The following LDB2 variants were observed in gnomAD, a reference collection of about 807,000 sequenced individuals.
LDB2 encodes LIM domain-binding protein 2.
Under a neutral mutation model 44.3 loss-of-function variants are expected in LDB2, and 12 were observed. The observed-to-expected ratio is 0.27, with a 90% confidence interval of 0.17 to 0.44. The LOEUF is 0.44. Among genes scored for constraint, LDB2 ranks in the 20% least tolerant of loss-of-function variants. The pLI is 1.00. For synonymous variants in LDB2, 164 were observed against 174.8 expected, an observed-to-expected ratio of 0.94 and a Z score of 0.49; for missense variants, 344 against 473.5, an observed-to-expected ratio of 0.73 and a Z score of 2.54.
chr4:16,549,045 T>C (rs1296264944), intron 5 of LDB2, among the ~76,000 whole-genome samples: 1 of 152,222 alleles, frequency 6.6e-6, no homozygotes, highest in Non-Finnish European at 1.5e-5. Context: ...CTGAAACCTG[T>C]AGGTCAGTTA....
chr4:16,756,155 A>T (rs572986395), intron 2 of LDB2, among the ~76,000 whole-genome samples: 2 of 152,266 alleles, frequency 1.3e-5, no homozygotes, highest in South Asian at 4.1e-4. Flanking sequence ...ATTAAAATCT[A>T]TCAGAACAGC....
At chr4:16,651,861 C>A (rs1738373701) in intron 2 of LDB2, among the ~76,000 whole-genome samples, 1 of 152,096 alleles carries the variant, frequency 6.6e-6, no homozygotes, top group African/African-American at 2.4e-5. Flanking sequence ...AGGTGGCGTG[C>A]CATAGCAAAA....
Position 16,766,707 on chromosome 4 carries a change from T to C in LDB2, c.133-7447A>G, listed in dbSNP as rs796685681. Among the ~76,000 whole-genome samples the C allele has an allele frequency of 3.3e-5, 5 of 151,892 alleles. No individual in the cohort carries two copies. In the South Asian group the frequency reaches 1.0e-3, roughly 32 times the overall value. On this transcript the variant is annotated intron_variant, in intron 1 of 7. Coordinates refer to ENST00000304523, the MANE Select transcript of LDB2 (RefSeq NM_001290.5). ...TTTTAGTAGAGACAGGGTTTCACCATGTTGGTCAAGCTGGTCCTGAACTCC... is the reference window on the plus strand; with the variant it reads ...TTTTAGTAGAGACAGGGTTTCACCACGTTGGTCAAGCTGGTCCTGAACTCC...
intron 2 of LDB2, among the ~76,000 whole-genome samples, chr4:16,709,096 T>TTCTG (rs35098264): frequency 0.46 from 69,826 of 151,632 alleles, 16,511 homozygotes; most frequent in East Asian, 0.78. Flanking sequence ...AAGCTGTCTA[T>TTCTG]TCTATCACCG....
chr4:16,605,847 C>G (rs1358435290), intron 2 of LDB2, among the ~76,000 whole-genome samples: 1 of 152,168 alleles, frequency 6.6e-6, no homozygotes, highest in Non-Finnish European at 1.5e-5. Context: ...AATGGAGGAG[C>G]CTCTGGTTTC....
At chr4:16,735,158 G>A (rs534412840) in intron 2 of LDB2, among the ~76,000 whole-genome samples, 97 of 152,272 alleles carry the variant, frequency 6.4e-4, no homozygotes, top group African/African-American at 2.2e-3. Context: ...AATTATGAGT[G>A]CCTGTCCACA....
chr4:16,642,206 T>A (rs1168806592), intron 2 of LDB2, among the ~76,000 whole-genome samples: 7 of 152,042 alleles, frequency 4.6e-5, no homozygotes, highest in Non-Finnish European at 1.0e-4. Flanking sequence ...CTAGATAATA[T>A]GGGAGAGAGG....
At chr4:16,555,924 C>CCCT in intron 5 of LDB2, among the ~76,000 whole-genome samples, 1 of 152,182 alleles carries the variant, frequency 6.6e-6, no homozygotes, top group Non-Finnish European at 1.5e-5. Context: ...CCAGCCATGG[C>CCCT]CCTTCTTCTT....
intron 5 of LDB2, among the ~76,000 whole-genome samples, chr4:16,535,155 G>A (rs1201636679): frequency 6.6e-6 from 1 of 152,196 alleles, no homozygotes; most frequent in Non-Finnish European, 1.5e-5. Context: ...GTAATTGCTA[G>A]TTCTCGAAAG....
intron 1 of LDB2, among the ~76,000 whole-genome samples, chr4:16,864,158 T>C (rs62298190): frequency 0.22 from 32,850 of 152,054 alleles, 4,238 homozygotes; most frequent in South Asian, 0.41. Context: ...AAACCCTTTA[T>C]TTTATTAAGG....
At chr4:16,514,077 G>A (rs1365457344) in intron 5 of LDB2, among the ~76,000 whole-genome samples, 2 of 152,078 alleles carry the variant, frequency 1.3e-5, no homozygotes, top group African/African-American at 2.4e-5. Flanking sequence ...GCCTTGCTGC[G>A]TTTCCCTATT....
chr4:16,651,843 C>A (rs887725326), intron 2 of LDB2, among the ~76,000 whole-genome samples: 1 of 152,096 alleles, frequency 6.6e-6, no homozygotes, highest in South Asian at 2.1e-4. Context: ...TGCTTTTAAC[C>A]AGGTGGGAGG....
chr4:16,725,943 T>C lies in LDB2; in HGVS notation c.235+33215A>G, dbSNP rs374369004. Reference sequence around the variant, plus strand: ...ATACATAATGTATAAATATACATTATATGTATATATCATATATTTATGATA... The same window carrying C: ...ATACATAATGTATAAATATACATTACATGTATATATCATATATTTATGATA... On this transcript the variant is annotated intron_variant, in intron 2 of 7. Coordinates refer to ENST00000304523, the MANE Select transcript of LDB2 (RefSeq NM_001290.5). Among the ~76,000 whole-genome samples, 13 of 148,568 alleles carry C rather than the reference T, an allele frequency of 8.8e-5. 1 individual carries two copies. The South Asian group carries it at 1.5e-3, about 17-fold the overall frequency.
intron 2 of LDB2, among the ~76,000 whole-genome samples, chr4:16,700,065 G>C: frequency 6.6e-6 from 1 of 152,146 alleles, no homozygotes; most frequent in African/African-American, 2.4e-5. Flanking sequence ...ACACTGAACT[G>C]TAGTTCAGCA....
chr4:16,652,581 C>T (rs1004064759), intron 2 of LDB2, among the ~76,000 whole-genome samples: 12 of 152,178 alleles, frequency 7.9e-5, no homozygotes, highest in Admixed American at 3.3e-4. Context: ...AGAAACAGCT[C>T]TGGAAGGAGA....
At position 16,883,713 on chromosome 4, in the gene LDB2, C is replaced by G. The variant is rs1473284368; in HGVS notation, c.132+14641G>C. ...CCACATCACCGTGGGGTCCTCCTGC[C>G]AGGCTGACGGCCAGCACATCTCTTC... On this transcript the variant is annotated intron_variant, in intron 1 of 7. Coordinates refer to ENST00000304523, the MANE Select transcript of LDB2 (RefSeq NM_001290.5). Among the ~76,000 whole-genome samples the G allele has an allele frequency of 4.6e-5, 7 of 152,314 alleles. No individual in the cohort carries two copies. The South Asian group carries it at 1.0e-3, about 23-fold the overall frequency.
chr4:16,664,553 T>C (rs747334352), intron 2 of LDB2, among the ~76,000 whole-genome samples: 4 of 152,186 alleles, frequency 2.6e-5, no homozygotes, highest in Non-Finnish European at 4.4e-5. Flanking sequence ...AAAGGGTTCT[T>C]GATTCTCCAT....
At chr4:16,664,729 C>T (rs999466929) in intron 2 of LDB2, among the ~76,000 whole-genome samples, 6 of 152,226 alleles carry the variant, frequency 3.9e-5, no homozygotes, top group African/African-American at 1.4e-4. Context: ...ATCTGAATTA[C>T]CTTCCATTCT....
chr4:16,796,643 G>C (rs537549043), intron 1 of LDB2, among the ~76,000 whole-genome samples: 54 of 151,206 alleles, frequency 3.6e-4, no homozygotes, highest in African/African-American at 1.3e-3. Context: ...CTTCCAAAGA[G>C]TATGGTAAGG....
Sources: gnomAD v4.1 joint callset for allele counts (sites outside exome capture counted in the v4.1 genomes callset) on GRCh38, gnomAD v4.1.1 for gene constraint, MANE v1.5 for transcripts, NCBI Gene and HGNC (gene_info 2026-07-23, HGNC 2026-07-21) for gene names.